Variants in DTNA observed in about 807,000 individuals in gnomAD.
The protein encoded by DTNA is dystrobrevin alpha.
A neutral mutation model predicts 100.7 loss-of-function variants in DTNA; 43 were observed. The ratio of observed to expected loss-of-function variants is 0.43; its 90% CI spans 0.33 to 0.55. The LOEUF (loss-of-function observed/expected upper bound fraction) is 0.55, where lower values mean the gene tolerates loss of function less well. Among genes scored for constraint, DTNA ranks in the 20% least tolerant of loss-of-function variants. The probability of loss-of-function intolerance (pLI) is 0.04; values close to 1 mark genes in which losing one functional copy is unlikely to be tolerated. For synonymous variants in DTNA, 349 were observed against 347.9 expected, an observed-to-expected ratio of 1.00 and a Z score of -0.04; for missense variants, 798 against 953.9, an observed-to-expected ratio of 0.84 and a Z score of 2.15.
intron 1 of DTNA, chr18:34,662,985 G>C (rs1426545091): frequency 6.6e-6 from 1 of 152,134 alleles, no homozygotes; most frequent in Non-Finnish European, 1.5e-5. Flanking sequence ...GTAATGGTAA[G>C]TAAAACTGCT....
chr18:34,722,658 A>T (rs140346417), intron 1 of DTNA, among the ~76,000 whole-genome samples: 322 of 151,540 alleles, frequency 2.1e-3, no homozygotes, highest in African/African-American at 7.7e-3. Context: ...TAGAATCAAG[A>T]TAGTGAACAT....
chr18:34,692,609 T>A (rs2079933780), intron 1 of DTNA, among the ~76,000 whole-genome samples: 2 of 152,240 alleles, frequency 1.3e-5, no homozygotes, highest in Non-Finnish European at 1.5e-5. Flanking sequence ...ACTGCACAGA[T>A]CTTTACTCAT....
chr18:34,749,504 T>A (rs2092068833), intron 1 of DTNA, among the ~76,000 whole-genome samples: 1 of 152,028 alleles, frequency 6.6e-6, no homozygotes, highest in African/African-American at 2.4e-5. Context: ...CATTTTTGAT[T>A]AGGTCTCCAG....
chr18:34,569,145 A>G (rs2146375863), intron 1 of DTNA, among the ~76,000 whole-genome samples: 1 of 152,286 alleles, frequency 6.6e-6, no homozygotes, highest in East Asian at 1.9e-4. Context: ...CAGCCCATCT[A>G]GAGACTCAGT....
chr18:34,796,308 A>C (rs2094966238), intron 4 of DTNA, among the ~76,000 whole-genome samples: 1 of 152,264 alleles, frequency 6.6e-6, no homozygotes, highest in Non-Finnish European at 1.5e-5. Context: ...AGCTAACTGG[A>C]TATGTAATTT....
rs2096959026 is a variant in DTNA, at chr18:34,890,344, A to G, written c.*2610A>G. On this transcript the variant is annotated 3_prime_UTR_variant, in exon 23 of 23. Coordinates refer to ENST00000444659, the MANE Select transcript of DTNA (RefSeq NM_001386795.1). ...CCAGACTCGAGCACCCCTGTCCTGT[A>G]AGCGAGACAAAATGGCGTGTGTTAT... The G allele has an allele frequency of 2.0e-6, 3 of 1,536,086 alleles. No homozygotes were observed. Among genetic ancestry groups the G allele is most frequent in the Non-Finnish European group, 2.6e-6 (3 of 1,146,894 alleles).
intron 1 of DTNA, among the ~76,000 whole-genome samples, chr18:34,568,263 C>G (rs1276661492): frequency 6.6e-6 from 1 of 152,100 alleles, no homozygotes; most frequent in Non-Finnish European, 1.5e-5. Context: ...AACCACTCTA[C>G]ACCACTGTGT....
intron 1 of DTNA, among the ~76,000 whole-genome samples, chr18:34,515,846 T>C (rs946941519): frequency 3.3e-5 from 5 of 152,102 alleles, no homozygotes; most frequent in African/African-American, 1.2e-4. Context: ...ATCCTCTACT[T>C]TTGTCTTAGG....
At chr18:34,531,557 A>C (rs769052783) in intron 1 of DTNA, among the ~76,000 whole-genome samples, 1 of 152,142 alleles carries the variant, frequency 6.6e-6, no homozygotes. Context: ...TTTATTAACT[A>C]TCACTTCATT....
chr18:34,890,594 C>T lies in DTNA; in HGVS notation c.*2860C>T. On this transcript the variant is annotated 3_prime_UTR_variant, in exon 23 of 23. Transcript: ENST00000444659. The stretch of plus-strand genomic sequence containing the variant: ...CACTGGTCTAACACAGCCAACCCTC[C>T]TCCACAGCGCCATATTAATGGAGGA... 1 of 1,132,982 alleles carries T rather than the reference C, an allele frequency of 8.8e-7. No individual in the cohort carries two copies. The highest frequency in any genetic ancestry group is 1.2e-6 in the Non-Finnish European group (1 of 821,126). The allele number at this position is 1,132,982 out of a possible 1,614,324, so 70.2% of individuals were successfully genotyped here.
chr18:34,853,225 C>A (rs970387795), intron 15 of DTNA, among the ~76,000 whole-genome samples: 2 of 152,142 alleles, frequency 1.3e-5, no homozygotes, highest in African/African-American at 4.8e-5. Flanking sequence ...ATTACGTTTG[C>A]ACCAACCTAA....
At chr18:34,820,972 G>T (rs149852689) in intron 9 of DTNA, 57 bp downstream of exon 9, 1 of 1,612,980 alleles carries the variant, frequency 6.2e-7, no homozygotes, top group East Asian at 2.2e-5. Context: ...CACATGTCTG[G>T]AGCCACACAA....
intron 9 of DTNA, among the ~76,000 whole-genome samples, chr18:34,826,969 GA>G (rs1389579658): frequency 6.6e-6 from 1 of 152,152 alleles, no homozygotes; most frequent in Non-Finnish European, 1.5e-5. Flanking sequence ...CTTATCATAA[GA>G]AAACAAGTGA....
At chr18:34,574,269 C>G (rs962109791) in intron 1 of DTNA, 1 of 152,760 alleles carries the variant, frequency 6.5e-6, no homozygotes, top group Non-Finnish European at 1.5e-5. Context: ...GGCCAAGGAT[C>G]CATGGGATCT....
Position 34,866,183 on chromosome 18 carries a change from G to A in DTNA, c.1743+2121G>A, listed in dbSNP as rs374013340. The A allele has an allele frequency of 1.4e-5, 22 of 1,613,988 alleles. No homozygotes were observed. In the African/African-American group the frequency reaches 1.6e-4, roughly 12 times the overall value. ...TTAACTAACAGTGGAGGGGCCTGCCGACCTGCGGTTTTCTCATTGCTTTTG... is the reference window on the plus strand; with the variant it reads ...TTAACTAACAGTGGAGGGGCCTGCCAACCTGCGGTTTTCTCATTGCTTTTG... On this transcript the variant is annotated intron_variant, in intron 17 of 22. Coordinates refer to ENST00000444659, the MANE Select transcript of DTNA (RefSeq NM_001386795.1).
chr18:34,730,116 T>G (rs1452806503), intron 1 of DTNA, among the ~76,000 whole-genome samples: 1 of 152,202 alleles, frequency 6.6e-6, no homozygotes, highest in Non-Finnish European at 1.5e-5. Flanking sequence ...ATGTACGAGT[T>G]GCTCTTGAAG....
intron 1 of DTNA, among the ~76,000 whole-genome samples, chr18:34,501,156 T>A (rs1568544685): frequency 6.6e-6 from 1 of 152,074 alleles, no homozygotes; most frequent in Non-Finnish European, 1.5e-5. Flanking sequence ...TCCTGAGTTT[T>A]AAAAAAAATC....
chr18:34,530,535 C>T (rs2043037531), intron 1 of DTNA, among the ~76,000 whole-genome samples: 1 of 152,036 alleles, frequency 6.6e-6, no homozygotes, highest in Admixed American at 6.6e-5. Flanking sequence ...CCCAAACCCT[C>T]GTTTCTCCTT....
At chr18:34,498,442 TATAATAATAATAATAATAATAATA>T (rs58997432) in intron 1 of DTNA, among the ~76,000 whole-genome samples, 28 of 141,840 alleles carry the variant, frequency 2.0e-4, no homozygotes, top group African/African-American at 7.2e-4. Context: ...CAGAAAATAA[TATAATAATAATAATAATAATAATA>T]ATAATAATAA....
Sources: gnomAD v4.1 joint callset for allele counts (sites outside exome capture counted in the v4.1 genomes callset) on GRCh38, gnomAD v4.1.1 for gene constraint, MANE v1.5 for transcripts, NCBI Gene and HGNC (gene_info 2026-07-23, HGNC 2026-07-21) for gene names.